The following RAMP3 variants were observed in gnomAD, a reference collection of about 807,000 sequenced individuals.
RAMP3 encodes receptor activity-modifying protein 3.
RAMP3 carries 14 observed loss-of-function variants against 13.5 expected under a neutral mutation model. The ratio of observed to expected loss-of-function variants is 1.04; its 90% confidence interval spans 0.69 to 1.63. The LOEUF (loss-of-function observed/expected upper bound fraction) is 1.63. Among genes scored for constraint, RAMP3 ranks in the 40% most tolerant of loss-of-function variants. The pLI is 0.00. For synonymous variants in RAMP3, 106 were observed against 88.3 expected (o/e 1.20, Z -1.12); for missense variants, 200 against 204.8 (o/e 0.98, Z 0.14).
At position 45,157,834 on chromosome 7, in the gene RAMP3, G is replaced by C. The variant is rs67477213; in HGVS notation, c.6G>C (p.Glu2Asp). 1 of 1,439,084 alleles carries C rather than the reference G, an allele frequency of 6.9e-7. No homozygotes were observed. The highest frequency in any genetic ancestry group is 9.0e-7 in the Non-Finnish European group (1 of 1,105,054). The allele number at this position is 1,439,084 out of a possible 1,614,324, so 89.1% of individuals were successfully genotyped here. Residue 2 changes from glutamate to aspartate, a missense_variant, in exon 1 of 3, where the codon GAG becomes GAC. By Grantham distance (45) the Glu-to-Asp change is conservative (BLOSUM62 2). Coordinates refer to ENST00000242249, the MANE Select transcript of RAMP3 (RefSeq NM_005856.3). M[E>D]TGALRRPQLL... is the part of the protein sequence containing the mutation. ...CCAGCTGCGGCCGGCCAGCCATGGA[G>C]ACTGGAGCGCTGCGGCGCCCGCAAC... is the stretch of plus-strand genomic sequence containing the variant.
chr7:45,163,276 T>C (rs1785898235), intron 1 of RAMP3: 11 of 985,320 alleles, frequency 1.1e-5, no homozygotes, highest in Non-Finnish European at 1.3e-5. Flanking sequence ...CCCCCAAGCC[T>C]CAGGGCTTTC....
chr7:45,183,434 G>A lies in RAMP3; in HGVS notation c.*22G>A. ...GTGAGGGTCCCGGTGAGATGGAGTGGGTCACACCTGGCAAGCTGGAAGAAA... is the reference window on the plus strand; with the variant it reads ...GTGAGGGTCCCGGTGAGATGGAGTGAGTCACACCTGGCAAGCTGGAAGAAA... On this transcript the variant is annotated 3_prime_UTR_variant, in exon 3 of 3. Transcript: ENST00000242249. The A allele has an allele frequency of 1.2e-6, 2 of 1,605,592 alleles. No homozygotes were observed. Among genetic ancestry groups the A allele is most frequent in the Non-Finnish European group, 8.5e-7 (1 of 1,177,282 alleles).
intron 2 of RAMP3, among the ~76,000 whole-genome samples, chr7:45,180,827 AG>A (rs980429229): frequency 5.9e-5 from 9 of 152,280 alleles, no homozygotes; most frequent in Admixed American, 5.2e-4. Flanking sequence ...CATCTTTTTT[AG>A]GGAGAGTGCT....
At chr7:45,166,958 C>CTTTTTTTTTT (rs202162694) in intron 1 of RAMP3, among the ~76,000 whole-genome samples, 1,548 of 101,080 alleles carry the variant, frequency 0.015, 140 homozygotes, top group African/African-American at 0.024. Context: ...GTCTTTGATG[C>CTTTTTTTTTT]TTTTTTTTTT....
At chr7:45,179,293 A>C (rs1333844715) in intron 2 of RAMP3, among the ~76,000 whole-genome samples, 1 of 152,118 alleles carries the variant, frequency 6.6e-6, no homozygotes, top group Non-Finnish European at 1.5e-5. Flanking sequence ...AACCCCTGGA[A>C]GCTCTGGGGA....
chr7:45,163,025 C>A, intron 1 of RAMP3: 1 of 385,662 alleles, frequency 2.6e-6, no homozygotes, highest in Non-Finnish European at 3.5e-6. Flanking sequence ...AGGTGATGGC[C>A]TGCACATCTG....
At chr7:45,167,882 G>A (rs1204309633) in intron 1 of RAMP3, among the ~76,000 whole-genome samples, 1 of 152,024 alleles carries the variant, frequency 6.6e-6, no homozygotes, top group Non-Finnish European at 1.5e-5. Context: ...CACCTCGCCT[G>A]GCCAACTTTG....
At chr7:45,165,010 T>C (rs1785931748) in intron 1 of RAMP3, among the ~76,000 whole-genome samples, 1 of 152,200 alleles carries the variant, frequency 6.6e-6, no homozygotes, top group South Asian at 2.1e-4. Context: ...ATTCTTTTCC[T>C]CTCTTTTCTC....
At chr7:45,157,964 CG>C in intron 1 of RAMP3, 78 bp downstream of exon 1, 1 of 1,245,926 alleles carries the variant, frequency 8.0e-7, no homozygotes, top group Non-Finnish European at 1.0e-6. Context: ...CGCGCCTTCC[CG>C]CACCTGCGCC....
intron 1 of RAMP3, among the ~76,000 whole-genome samples, chr7:45,160,633 G>A (rs899566843): frequency 3.3e-5 from 5 of 152,036 alleles, no homozygotes; most frequent in Non-Finnish European, 5.9e-5. Context: ...GGGGGAGAGC[G>A]CCTGTGTTTC....
intron 1 of RAMP3, among the ~76,000 whole-genome samples, chr7:45,159,456 C>A (rs1357411496): frequency 6.6e-6 from 1 of 152,194 alleles, no homozygotes; most frequent in Non-Finnish European, 1.5e-5. Context: ...AGGGTGCAGG[C>A]CTCTGGGGCT....
chr7:45,169,413 G>A (rs1449312393), intron 1 of RAMP3, among the ~76,000 whole-genome samples: 1 of 152,084 alleles, frequency 6.6e-6, no homozygotes, highest in Non-Finnish European at 1.5e-5. Context: ...ATTATCTTTG[G>A]GAGAAATTTT....
chr7:45,181,716 G>A (rs1786319016), intron 2 of RAMP3, among the ~76,000 whole-genome samples: 2 of 152,178 alleles, frequency 1.3e-5, no homozygotes, highest in Non-Finnish European at 2.9e-5. Flanking sequence ...AGCAGGTCAG[G>A]GAAGATGAGG....
chr7:45,177,155 C>G (rs562452183), intron 1 of RAMP3, among the ~76,000 whole-genome samples, 154 bp from the exon 2 acceptor site: 7 of 152,190 alleles, frequency 4.6e-5, no homozygotes, highest in Non-Finnish European at 1.0e-4. Flanking sequence ...ACAGGTAGGT[C>G]AGGGTGGAGG....
chr7:45,174,249 T>A (rs1023140458), intron 1 of RAMP3, among the ~76,000 whole-genome samples: 1 of 151,920 alleles, frequency 6.6e-6, no homozygotes, highest in African/African-American at 2.4e-5. Flanking sequence ...GTGTAGTGGG[T>A]GTTATAGTGC....
chr7:45,163,730 C>T (rs1584064971), intron 1 of RAMP3: 2 of 984,696 alleles, frequency 2.0e-6, no homozygotes, highest in Non-Finnish European at 2.4e-6. Flanking sequence ...AGGTGAAGGG[C>T]CCTGCTTGGA....
chr7:45,178,240 C>T (rs552341178), intron 2 of RAMP3, among the ~76,000 whole-genome samples: 2 of 152,258 alleles, frequency 1.3e-5, no homozygotes, highest in African/African-American at 4.8e-5. Flanking sequence ...GACAACACCT[C>T]ATAGTGAAGG....
intron 1 of RAMP3, among the ~76,000 whole-genome samples, chr7:45,161,148 C>T (rs910586533): frequency 6.6e-6 from 1 of 152,140 alleles, no homozygotes; most frequent in African/African-American, 2.4e-5. Context: ...CAGGTCCTTG[C>T]GATGGGGCAT....
Position 45,184,168 on chromosome 7 carries a change from T to C in RAMP3, c.*756T>C. The C allele has an allele frequency of 2.5e-6, 1 of 398,740 alleles. No homozygotes were observed. The highest frequency in any genetic ancestry group is 4.4e-6 in the Non-Finnish European group (1 of 226,160). 24.7% of individuals were successfully genotyped at this position (398,740 alleles called of 1,614,324 possible). On this transcript the variant is annotated 3_prime_UTR_variant, in exon 3 of 3. Coordinates refer to ENST00000242249, the MANE Select transcript of RAMP3 (RefSeq NM_005856.3). The stretch of plus-strand genomic sequence containing the variant: ...GGGCTCCTCTGTGGGTGAGGGGCCC[T>C]CTGGAATGGCATCCCATGAGCTTGT...
Sources: allele counts gnomAD v4.1 joint callset (sites outside exome capture counted in the v4.1 genomes callset), GRCh38; gene constraint gnomAD v4.1.1; transcripts MANE v1.5; gene names NCBI Gene and HGNC (gene_info 2026-07-23, HGNC 2026-07-21).